DLGAP4: variants seen among roughly 807,000 people sequenced by gnomAD.
DLGAP4 encodes DLG associated protein 4.
In DLGAP4, 18 loss-of-function variants were observed where a neutral mutation model predicts 86.9. The ratio of observed to expected loss-of-function variants is 0.21; its 90% CI spans 0.14 to 0.31. The LOEUF (loss-of-function observed/expected upper bound fraction) is 0.31. DLGAP4 is among the 10% of genes least tolerant of loss of function. The pLI, the probability that DLGAP4 is intolerant of heterozygous loss-of-function variation, is 1.00. For synonymous variants in DLGAP4, 548 were observed against 574.3 expected, an observed-to-expected ratio of 0.95 and a Z score of 0.65; for missense variants, 1,085 against 1,362.6, an observed-to-expected ratio of 0.80 and a Z score of 3.21.
At chr20:36,475,882 C>G (rs940967297) in intron 7 of DLGAP4, among the ~76,000 whole-genome samples, 3 of 152,008 alleles carry the variant, frequency 2.0e-5, no homozygotes, top group African/African-American at 7.2e-5. Context: ...TGTTTTGAGA[C>G]AGAGTCTCAC....
chr20:36,424,078 TC>T (rs1416603526), intron 2 of DLGAP4, among the ~76,000 whole-genome samples: 1 of 152,180 alleles, frequency 6.6e-6, no homozygotes, highest in African/African-American at 2.4e-5. Context: ...AGAATCCAGT[TC>T]CGTCCTATCT....
At chr20:36,517,230 T>A (rs773163377) in intron 10 of DLGAP4, among the ~76,000 whole-genome samples, 15 of 151,456 alleles carry the variant, frequency 9.9e-5, no homozygotes, top group Non-Finnish European at 1.5e-4. Context: ...AATATAAAAA[T>A]CAGCCAGGCG....
rs946451463 is a variant in DLGAP4 at position 36,497,232 on chromosome 20, G to A, written c.2010+166G>A. The stretch of plus-strand genomic sequence containing the variant: ...CAAACCGAATTCCACCCATAGCCAC[G>A]CCTCGCTGGTATCTGTCCACACGTG... On this transcript the variant is annotated intron_variant, in intron 8 of 12. Transcript: ENST00000339266. 33 of 985,260 alleles carry A rather than the reference G, an allele frequency of 3.3e-5. No homozygotes were observed. The African/African-American group carries it at 4.5e-4, about 14-fold the overall frequency. The allele number at this position is 985,260 out of a possible 1,614,324, so 61.0% of individuals were successfully genotyped here.
intron 2 of DLGAP4, among the ~76,000 whole-genome samples, chr20:36,415,752 C>T (rs1164071756): frequency 2.0e-5 from 3 of 152,184 alleles, no homozygotes; most frequent in African/African-American, 7.2e-5. Context: ...CACACATACA[C>T]TATCTCCAGG....
In DLGAP4 at chr20:36,466,985, C is replaced by G. The variant is rs541716414; in HGVS notation, c.1648+20048C>G. On this transcript the variant is annotated intron_variant, in intron 7 of 12. Coordinates refer to ENST00000339266, the MANE Select transcript of DLGAP4 (RefSeq NM_001365621.2). ...CTCTCTGTCTCTCTCCTCTCTCTCT[C>G]TCTCTGTCTCTGTCTCTCTCTCTCT... Among the ~76,000 whole-genome samples the G allele has an allele frequency of 3.0e-3, 453 of 149,276 alleles. 3 individuals carry two copies. The highest frequency in any genetic ancestry group is 4.5e-3 in the South Asian group (21 of 4,636).
chr20:36,325,465 G>C (rs1040336532), intron 1 of DLGAP4, among the ~76,000 whole-genome samples: 2 of 152,106 alleles, frequency 1.3e-5, no homozygotes, highest in African/African-American at 4.8e-5. Flanking sequence ...GGGTCAAGTT[G>C]GTTGATAATT....
intron 7 of DLGAP4, among the ~76,000 whole-genome samples, chr20:36,476,330 TTTTTTTTTTTTTTTG>T (rs953360514): frequency 3.0e-5 from 4 of 134,546 alleles, no homozygotes; most frequent in African/African-American, 1.2e-4. Flanking sequence ...TTTTTTTTTT[TTTTTTTTTTTTTTTG>T]GAGACACAGT....
chr20:36,419,065 T>C (rs2032747948), intron 2 of DLGAP4, among the ~76,000 whole-genome samples: 1 of 152,124 alleles, frequency 6.6e-6, no homozygotes, highest in Non-Finnish European at 1.5e-5. Flanking sequence ...ACTTCAGCCA[T>C]TGAGCTGCTG....
intron 7 of DLGAP4, among the ~76,000 whole-genome samples, chr20:36,472,291 C>T (rs901373940): frequency 1.3e-5 from 2 of 152,156 alleles, no homozygotes; most frequent in Admixed American, 1.3e-4. Flanking sequence ...CACTTGAGCT[C>T]AGGAGTTAAA....
intron 1 of DLGAP4, among the ~76,000 whole-genome samples, chr20:36,345,570 G>A (rs541808085): frequency 1.3e-5 from 2 of 152,316 alleles, no homozygotes; most frequent in South Asian, 2.1e-4. Context: ...TTGTTTTGAA[G>A]ATTGACTCAG....
rs6020455 is a variant in DLGAP4 at position 36,458,769 on chromosome 20, G to A, written c.1648+11832G>A. ...CTGCATGGAGCCACGTTTGAGGGGC[G>A]AGAAGTGGGTGATATGGGAATACCA... On this transcript the variant is annotated intron_variant, in intron 7 of 12. Coordinates refer to ENST00000339266, the MANE Select transcript of DLGAP4 (RefSeq NM_001365621.2). Among the ~76,000 whole-genome samples the A allele has an allele frequency of 4.5e-3, 685 of 152,266 alleles. 9 individuals are homozygous for A. Among genetic ancestry groups the A allele is most frequent in the African/African-American group, 0.016 (666 of 41,552 alleles).
chr20:36,388,809 A>T (rs1304573626), intron 2 of DLGAP4, among the ~76,000 whole-genome samples: 1 of 152,180 alleles, frequency 6.6e-6, no homozygotes, highest in Non-Finnish European at 1.5e-5. Flanking sequence ...TCCTGCGATT[A>T]TTACTTCTTC....
At chr20:36,511,190 A>G (rs190428536) in intron 10 of DLGAP4, among the ~76,000 whole-genome samples, 3 of 152,282 alleles carry the variant, frequency 2.0e-5, no homozygotes, top group African/African-American at 7.2e-5. Context: ...AAGGTCTTTC[A>G]TATTTTAATT....
At chr20:36,461,665 C>CTCG in intron 7 of DLGAP4, 2 of 168,728 alleles carry the variant, frequency 1.2e-5, no homozygotes, top group Non-Finnish European at 2.1e-5. Context: ...GCCGCCCCGC[C>CTCG]CGGCCCGGCC....
At chr20:36,394,032 A>G (rs945073212) in intron 2 of DLGAP4, among the ~76,000 whole-genome samples, 1 of 152,162 alleles carries the variant, frequency 6.6e-6, no homozygotes, top group African/African-American at 2.4e-5. Context: ...GAACCTGTGA[A>G]TCTTTTTCCA....
intron 1 of DLGAP4, among the ~76,000 whole-genome samples, chr20:36,317,253 T>A (rs1471368307): frequency 2.1e-3 from 124 of 58,318 alleles, no homozygotes; most frequent in African/African-American, 0.012. Flanking sequence ...CTTTCTTTCT[T>A]TCTTTCTTTC....
At chr20:36,434,234 C>T (rs1274734663) in intron 3 of DLGAP4, among the ~76,000 whole-genome samples, 1 of 152,204 alleles carries the variant, frequency 6.6e-6, no homozygotes, top group African/African-American at 2.4e-5. Flanking sequence ...TGAGCCACTG[C>T]ACCCAGCCAT....
At chr20:36,423,532 G>A (rs1277230491) in intron 2 of DLGAP4, among the ~76,000 whole-genome samples, 2 of 149,406 alleles carry the variant, frequency 1.3e-5, no homozygotes, top group African/African-American at 2.5e-5. Flanking sequence ...CCACCATGCC[G>A]TGCAGCATTC....
At position 36,526,876 on chromosome 20, in the gene DLGAP4, CGCGACAAGGCCTCAGACGCCA is replaced by C. The variant is rs1569527911; in HGVS notation, c.2833_2853del (p.Ala945_Lys951del). 3.1e-6 allele frequency: 5 copies of C among 1,612,620 alleles called. No individual in the cohort carries two copies. The highest frequency in any genetic ancestry group is 4.2e-6 in the Non-Finnish European group (5 of 1,179,626). ...AGCCAAATCCAAGCCGGCAGTGAGC[CGCGACAAGGCCTCAGACGCCA>C]GCGACAAGCAGCGCCAGGAGGCCCG... On this transcript the variant is annotated inframe_deletion, in exon 13 of 13. Coordinates refer to ENST00000339266, the MANE Select transcript of DLGAP4 (RefSeq NM_001365621.2).
Sources: allele counts gnomAD v4.1 joint callset (sites outside exome capture counted in the v4.1 genomes callset), GRCh38; gene constraint gnomAD v4.1.1; transcripts MANE v1.5; gene names NCBI Gene and HGNC (gene_info 2026-07-23, HGNC 2026-07-21).